Variants in LY75 observed in about 807,000 individuals in gnomAD.
LY75 encodes lymphocyte antigen 75.
Under a neutral mutation model 231.7 loss-of-function variants are expected in LY75, and 185 were observed. That is an observed-to-expected ratio of 0.80 (90% CI 0.71 to 0.90). The LOEUF (loss-of-function observed/expected upper bound fraction) is 0.90. LY75 is among the 40% of genes least tolerant of loss of function. The pLI is 0.00. For synonymous variants in LY75, 668 were observed against 689.0 expected, an observed-to-expected ratio of 0.97 and a Z score of 0.48; for missense variants, 1,947 against 2,050.2, an observed-to-expected ratio of 0.95 and a Z score of 0.97.
intron 13 of LY75, among the ~76,000 whole-genome samples, chr2:159,868,444 G>T (rs1406785468): frequency 1.3e-5 from 2 of 152,148 alleles, no homozygotes; most frequent in Non-Finnish European, 2.9e-5. Context: ...GGTTTACTAT[G>T]TTTATAATCA....
At chr2:159,874,221 T>A (rs1685123370) in intron 12 of LY75, among the ~76,000 whole-genome samples, 1 of 94,490 alleles carries the variant, frequency 1.1e-5, no homozygotes, top group African/African-American at 4.0e-5. Flanking sequence ...TAAATATATA[T>A]AAATATATTG....
intron 30 of LY75, among the ~76,000 whole-genome samples, chr2:159,816,178 A>G (rs1402288860): frequency 6.6e-6 from 1 of 152,216 alleles, no homozygotes; most frequent in African/African-American, 2.4e-5. Flanking sequence ...CTCAATAGAT[A>G]ACCATTTTTT....
chr2:159,826,811 C>A (rs1683484443), intron 28 of LY75, among the ~76,000 whole-genome samples: 2 of 152,216 alleles, frequency 1.3e-5, no homozygotes, highest in African/African-American at 4.8e-5. Flanking sequence ...CACACATCTA[C>A]AACCATCTGA....
Position 159,875,600 on chromosome 2 carries a change from A to C in LY75, c.1818T>G (p.Val606=). Residue 606 remains valine (V), a synonymous_variant, in exon 12 of 35, where the codon GTT becomes GTG. Coordinates refer to ENST00000263636, the MANE Select transcript of LY75 (RefSeq NM_002349.4). The part of the protein sequence containing the change: ...GCVAMSTGKS[V]GKWEVKDCRS... ...TGCAGTCCTTCACCTCCCACTTTCCAACAGACTTTCCAGTAGACATAGCCA... is the reference window on the plus strand; with the variant it reads ...TGCAGTCCTTCACCTCCCACTTTCCCACAGACTTTCCAGTAGACATAGCCA... 6.2e-7 allele frequency: 1 copy of C among 1,614,078 alleles called. No individual in the cohort carries two copies. The highest frequency in any genetic ancestry group is 8.5e-7 in the Non-Finnish European group (1 of 1,180,000).
intron 13 of LY75, 145 bp downstream of exon 13, chr2:159,872,306 A>T: frequency 9.8e-7 from 1 of 1,023,882 alleles, no homozygotes. Context: ...TTAATGTTCC[A>T]TGACTGCTAA....
chr2:159,831,805 T>A lies in LY75; in HGVS notation c.3842-19A>T, dbSNP rs759657458. On this transcript the variant is annotated intron_variant, in intron 27 of 34. Coordinates refer to ENST00000263636, the MANE Select transcript of LY75 (RefSeq NM_002349.4). ...TTTGGATCTGTTGAATAAAAAATAA[T>A]CAATAATTTTAACAATTACTTATCT... The A allele has an allele frequency of 1.3e-5, 20 of 1,578,676 alleles. No homozygotes were observed. The Admixed American group carries it at 3.7e-4, about 29-fold the overall frequency.
chr2:159,823,386 A>G (rs922726036), intron 28 of LY75, among the ~76,000 whole-genome samples: 1 of 152,190 alleles, frequency 6.6e-6, no homozygotes, highest in African/African-American at 2.4e-5. Context: ...AAGAGAGAAG[A>G]CACGATTAAA....
At chr2:159,851,400 G>A (rs1684397655) in intron 21 of LY75, among the ~76,000 whole-genome samples, 1 of 152,064 alleles carries the variant, frequency 6.6e-6, no homozygotes, top group African/African-American at 2.4e-5. Flanking sequence ...AATGAGCCAA[G>A]CTACCCAATG....
chr2:159,829,873 T>C (rs922547190), intron 28 of LY75, among the ~76,000 whole-genome samples: 5 of 152,232 alleles, frequency 3.3e-5, no homozygotes, highest in East Asian at 1.9e-4. Context: ...GAATTTATAA[T>C]AGATTTTCAG....
Position 159,878,466 on chromosome 2 carries a change from C to T in LY75, c.1632G>A (p.Leu544=), listed in dbSNP as rs1469344346. The change falls in exon 11 of 35, where the codon TTG becomes TTA. Residue 544 remains leucine (L), a synonymous_variant. Transcript: ENST00000263636. The stretch of plus-strand genomic sequence containing the variant: ...TTAGAGATTTATCATACTTTTTCAT[C>T]AAATCATTTAGGTATTCTTGCTCAA... ...SRFEQEYLND[L]MKKYDKSLRK... is the part of the protein sequence containing the mutation. 1.9e-6 allele frequency: 3 copies of T among 1,613,898 alleles called. No individual in the cohort carries two copies. The African/African-American group carries it at 4.0e-5, about 22-fold the overall frequency.
At chr2:159,878,556 C>T in intron 10 of LY75, 63 bp from the exon 11 acceptor site, 1 of 1,611,864 alleles carries the variant, frequency 6.2e-7, no homozygotes, top group East Asian at 2.2e-5. Context: ...GAAGATGCAC[C>T]TTTTACTTAG....
chr2:159,864,763 T>C (rs548582014), intron 14 of LY75, 76 bp downstream of exon 14: 2 of 1,363,324 alleles, frequency 1.5e-6, no homozygotes, highest in Admixed American at 2.6e-5. Context: ...GGTGTCAATG[T>C]ATTATTTAAC....
intron 8 of LY75, among the ~76,000 whole-genome samples, chr2:159,879,981 C>T (rs1685385776): frequency 6.6e-6 from 1 of 152,184 alleles, no homozygotes; most frequent in East Asian, 1.9e-4. Context: ...CATTGGAATG[C>T]TGTCTAGGTA....
At chr2:159,848,890 C>A (rs12477395) in intron 23 of LY75, among the ~76,000 whole-genome samples, 2,467 of 152,036 alleles carry the variant, frequency 0.016, 24 homozygotes, top group Admixed American at 0.03. Flanking sequence ...TAGAAGAGAA[C>A]GAACATATCA....
intron 13 of LY75, among the ~76,000 whole-genome samples, chr2:159,869,016 G>A (rs1684932887): frequency 6.6e-6 from 1 of 152,042 alleles, no homozygotes; most frequent in African/African-American, 2.4e-5. Flanking sequence ...GGATGAAGCT[G>A]GAAACCATCA....
chr2:159,840,520 T>C (rs1489147677), intron 25 of LY75, among the ~76,000 whole-genome samples: 1 of 151,860 alleles, frequency 6.6e-6, no homozygotes, highest in Non-Finnish European at 1.5e-5. Context: ...TGCAGTGAAG[T>C]GTGATCACAC....
intron 21 of LY75, 89 bp from the exon 22 acceptor site, chr2:159,850,556 C>A: frequency 2.6e-6 from 4 of 1,546,586 alleles, no homozygotes; most frequent in Non-Finnish European, 3.5e-6. Flanking sequence ...TAGAGGGCTG[C>A]TAATTTTCGG....
At chr2:159,845,287 A>G (rs977337228) in intron 23 of LY75, among the ~76,000 whole-genome samples, 2 of 152,188 alleles carry the variant, frequency 1.3e-5, no homozygotes, top group African/African-American at 4.8e-5. Flanking sequence ...TAATAATTCT[A>G]AAGTTTTCCT....
intron 5 of LY75, 112 bp from the exon 6 acceptor site, chr2:159,885,405 T>C: frequency 2.9e-6 from 4 of 1,369,770 alleles, no homozygotes; most frequent in Non-Finnish European, 3.9e-6. Context: ...ACTCATATTA[T>C]AGTTAAAACT....
Sources: allele counts gnomAD v4.1 joint callset (sites outside exome capture counted in the v4.1 genomes callset), GRCh38; gene constraint gnomAD v4.1.1; transcripts MANE v1.5; gene names NCBI Gene and HGNC (gene_info 2026-07-23, HGNC 2026-07-21).